The following ERBB4 variants were observed in gnomAD, a reference collection of about 807,000 sequenced individuals.
The protein encoded by ERBB4 is receptor tyrosine-protein kinase erbB-4.
In ERBB4, 42 loss-of-function variants were observed where a neutral mutation model predicts 158.0. The observed-to-expected ratio is 0.27, with a 90% CI of 0.21 to 0.34. The LOEUF is 0.34. Ranked by LOEUF, ERBB4 falls within the 10% of genes least tolerant of loss-of-function variation. ERBB4 has a pLI of 1.00. For missense variants in ERBB4, 1,333 were observed against 1,624.1 expected (o/e 0.82, Z 3.08); for synonymous variants, 583 against 558.7 (o/e 1.04, Z -0.61).
At chr2:212,523,505 A>G (rs1692282498) in intron 1 of ERBB4, among the ~76,000 whole-genome samples, 1 of 151,998 alleles carries the variant, frequency 6.6e-6, no homozygotes, top group African/African-American at 2.4e-5. Context: ...ATAATGGATC[A>G]GAAGTGTGAA....
intron 1 of ERBB4, among the ~76,000 whole-genome samples, chr2:212,226,029 G>GCCTGATCTAATT (rs1300629796): frequency 6.6e-6 from 1 of 152,164 alleles, no homozygotes; most frequent in African/African-American, 2.4e-5. Flanking sequence ...TCCTGGTTGA[G>GCCTGATCTAATT]CCTGATCTAA....
intron 2 of ERBB4, among the ~76,000 whole-genome samples, chr2:211,982,399 G>A (rs921510130): frequency 1.3e-5 from 2 of 152,086 alleles, no homozygotes; most frequent in Admixed American, 1.3e-4. Context: ...AAAACAAAAA[G>A]TACAGGAAGA....
intron 3 of ERBB4, among the ~76,000 whole-genome samples, chr2:211,800,228 T>A (rs1239966069): frequency 6.6e-6 from 1 of 152,172 alleles, no homozygotes; most frequent in Non-Finnish European, 1.5e-5. Context: ...TGTACACTCT[T>A]CATAAATGCT....
rs528199555 is a variant in ERBB4 at position 212,287,408 on chromosome 2, A to G, written c.83-162505T>C. ...ATAACTTTTGATAATTTTTGTCACA[A>G]ACAGTAGTAGCCATAGTTTTGCCTC... is the stretch of plus-strand genomic sequence containing the variant. On this transcript the variant is annotated intron_variant, in intron 1 of 27. Coordinates refer to ENST00000342788, the MANE Select transcript of ERBB4 (RefSeq NM_005235.3). Among the ~76,000 whole-genome samples the G allele has an allele frequency of 1.6e-4, 25 of 152,246 alleles. No homozygotes were observed. In the East Asian group the frequency reaches 3.9e-3, roughly 24 times the overall value.
chr2:212,441,957 C>A (rs762266220), intron 1 of ERBB4, among the ~76,000 whole-genome samples: 18 of 152,142 alleles, frequency 1.2e-4, no homozygotes, highest in Non-Finnish European at 1.9e-4. Flanking sequence ...TTTGAAGAGC[C>A]TGTAATTGCT....
At chr2:212,464,136 C>T (rs947390432) in intron 1 of ERBB4, among the ~76,000 whole-genome samples, 1 of 152,022 alleles carries the variant, frequency 6.6e-6, no homozygotes, top group Non-Finnish European at 1.5e-5. Context: ...TTCCTTCTTA[C>T]CCTGAAATCA....
intron 3 of ERBB4, among the ~76,000 whole-genome samples, chr2:211,889,348 A>G (rs1423164259): frequency 7.5e-5 from 11 of 146,088 alleles, no homozygotes; most frequent in African/African-American, 2.9e-4. Flanking sequence ...CCTCTCTGTT[A>G]GAAGGAAAAC....
intron 25 of ERBB4, among the ~76,000 whole-genome samples, chr2:211,416,660 T>C (rs1037619104): frequency 6.6e-6 from 1 of 152,222 alleles, no homozygotes; most frequent in African/African-American, 2.4e-5. Flanking sequence ...AATTGATTAA[T>C]AACTGGCAGC....
rs2062465448 is a variant in ERBB4, at chr2:211,375,966, C to T, written c.*7649G>A. On this transcript the variant is annotated 3_prime_UTR_variant, in exon 28 of 28. Coordinates refer to ENST00000342788, the MANE Select transcript of ERBB4 (RefSeq NM_005235.3). ...ACATAAATGTAAAATACTGTTTCTC[C>T]CTCATTCTCAAATAACAACAGGAAT... is the stretch of plus-strand genomic sequence containing the variant. The T allele has an allele frequency of 8.6e-6, 2 of 232,686 alleles. No homozygotes were observed. Among genetic ancestry groups the T allele is most frequent in the East Asian group, 1.2e-4 (2 of 16,474 alleles). 14.4% of individuals were successfully genotyped at this position (232,686 alleles called of 1,614,324 possible). A position where few individuals can be genotyped will look rare whatever the true frequency, so the allele number is the denominator to read the frequency against.
At chr2:211,805,456 T>C (rs1386367247) in intron 3 of ERBB4, among the ~76,000 whole-genome samples, 1 of 152,222 alleles carries the variant, frequency 6.6e-6, no homozygotes, top group Admixed American at 6.5e-5. Flanking sequence ...AGTATGAGCA[T>C]AGAAAAATCT....
At chr2:212,228,072 A>G (rs1304810579) in intron 1 of ERBB4, among the ~76,000 whole-genome samples, 1 of 152,196 alleles carries the variant, frequency 6.6e-6, no homozygotes, top group Non-Finnish European at 1.5e-5. Flanking sequence ...TCAATATTCT[A>G]TGAAAAATTA....
At chr2:211,487,244 G>T (rs569402379) in intron 20 of ERBB4, among the ~76,000 whole-genome samples, 4 of 148,172 alleles carry the variant, frequency 2.7e-5, no homozygotes, top group Non-Finnish European at 5.9e-5. Flanking sequence ...AGAACATGCG[G>T]TGTTTGGTTT....
intron 19 of ERBB4, among the ~76,000 whole-genome samples, chr2:211,604,500 C>T (rs73078780): frequency 0.021 from 3,137 of 152,192 alleles, 85 homozygotes; most frequent in African/African-American, 0.061. Flanking sequence ...ACTTTATGCT[C>T]GACTGCTGAT....
intron 1 of ERBB4, among the ~76,000 whole-genome samples, chr2:212,510,205 GTATA>G (rs10556403): frequency 0.13 from 17,270 of 130,360 alleles, 1,169 homozygotes; most frequent in African/African-American, 0.17. Context: ...TAACCACACA[GTATA>G]TATATATATA....
chr2:212,017,192 C>T (rs886576258), intron 2 of ERBB4, among the ~76,000 whole-genome samples: 29 of 151,998 alleles, frequency 1.9e-4, no homozygotes, highest in African/African-American at 6.3e-4. Flanking sequence ...ATGCAACTTC[C>T]TTGAGTGTAC....
chr2:211,974,898 C>T (rs2081560393), intron 2 of ERBB4, among the ~76,000 whole-genome samples: 1 of 152,046 alleles, frequency 6.6e-6, no homozygotes, highest in South Asian at 2.1e-4. Flanking sequence ...TCATGGGATC[C>T]CTCATAAGAA....
At chr2:211,908,560 A>G (rs1329331066) in intron 3 of ERBB4, among the ~76,000 whole-genome samples, 1 of 151,770 alleles carries the variant, frequency 6.6e-6, no homozygotes, top group Non-Finnish European at 1.5e-5. Context: ...TGTATACCAA[A>G]TGTATATGAA....
chr2:212,166,160 A>C (rs926134964), intron 1 of ERBB4, among the ~76,000 whole-genome samples: 6 of 152,060 alleles, frequency 3.9e-5, no homozygotes, highest in African/African-American at 1.4e-4. Flanking sequence ...AACTATTTTA[A>C]AGAAAATAGA....
At chr2:211,746,691 G>T (rs190337691) in intron 5 of ERBB4, among the ~76,000 whole-genome samples, 3 of 152,120 alleles carry the variant, frequency 2.0e-5, no homozygotes, top group East Asian at 3.9e-4. Flanking sequence ...TTAGCCAGGC[G>T]TGGTGGCACA....
Sources: allele counts gnomAD v4.1 joint callset (sites outside exome capture counted in the v4.1 genomes callset), GRCh38; gene constraint gnomAD v4.1.1; transcripts MANE v1.5; gene names NCBI Gene and HGNC (gene_info 2026-07-23, HGNC 2026-07-21).